The following PACRG variants were observed in gnomAD, a reference collection of about 807,000 sequenced individuals.
The protein encoded by PACRG is parkin coregulated gene protein.
A neutral mutation model predicts 29.7 loss-of-function variants in PACRG; 29 were observed. The ratio of observed to expected loss-of-function variants is 0.98; its 90% confidence interval spans 0.73 to 1.33. The LOEUF (loss-of-function observed/expected upper bound fraction) is 1.33, where lower values mean the gene tolerates loss of function less well. PACRG is among the 40% of genes most tolerant of loss of function. The probability of loss-of-function intolerance (pLI) is 0.00; values close to 1 mark genes in which losing one functional copy is unlikely to be tolerated. For synonymous variants in PACRG, 116 were observed against 118.7 expected (o/e 0.98, Z 0.15); for missense variants, 279 against 316.2 (o/e 0.88, Z 0.89).
At chr6:163,227,519 C>T (rs747607466) in intron 4 of PACRG, among the ~76,000 whole-genome samples, 14 of 152,158 alleles carry the variant, frequency 9.2e-5, no homozygotes, top group East Asian at 1.9e-4. Context: ...ATATATGTAA[C>T]GGAAAGATAA....
intron 4 of PACRG, among the ~76,000 whole-genome samples, chr6:163,242,087 A>C (rs183144353): frequency 6.6e-6 from 1 of 152,312 alleles, no homozygotes. Context: ...TTTTAAACTT[A>C]TTGAGCTATA....
At chr6:163,174,494 T>C (rs1415784716) in intron 4 of PACRG, among the ~76,000 whole-genome samples, 3 of 152,216 alleles carry the variant, frequency 2.0e-5, no homozygotes, top group Non-Finnish European at 4.4e-5. Context: ...ATAGAGAGAC[T>C]GTATAGAATC....
intron 4 of PACRG, among the ~76,000 whole-genome samples, chr6:163,234,582 G>A (rs146703220): frequency 7.9e-5 from 12 of 152,182 alleles, no homozygotes; most frequent in African/African-American, 2.9e-4. Context: ...CTTTATAGCA[G>A]CCCCAACAGA....
intron 4 of PACRG, among the ~76,000 whole-genome samples, chr6:163,211,464 C>T (rs886238853): frequency 3.9e-5 from 6 of 152,110 alleles, no homozygotes; most frequent in African/African-American, 1.4e-4. Context: ...ATGGAAATAT[C>T]AAGCTTATAT....
chr6:163,177,727 T>TTTTTTTTTTTTTG (rs1779446170), intron 4 of PACRG, among the ~76,000 whole-genome samples: 1 of 138,320 alleles, frequency 7.2e-6, no homozygotes, highest in African/African-American at 2.7e-5. Flanking sequence ...TTTTTTTTTT[T>TTTTTTTTTTTTTG]TTTTTTTTTT....
chr6:163,218,898 G>A (rs1183888101), intron 4 of PACRG, among the ~76,000 whole-genome samples: 4 of 152,236 alleles, frequency 2.6e-5, no homozygotes, highest in Non-Finnish European at 5.9e-5. Context: ...TCACAAGGTG[G>A]GGAGATGCCG....
intron 1 of PACRG, among the ~76,000 whole-genome samples, chr6:162,801,139 G>C (rs924713927): frequency 6.6e-6 from 1 of 151,736 alleles, no homozygotes; most frequent in Admixed American, 6.6e-5. Context: ...TTTTTTTTGA[G>C]GCAGAGTCTC....
At chr6:163,209,338 G>T (rs1012361146) in intron 4 of PACRG, among the ~76,000 whole-genome samples, 3 of 152,336 alleles carry the variant, frequency 2.0e-5, no homozygotes, top group Admixed American at 6.5e-5. Flanking sequence ...TGAAAGTGGA[G>T]CTTTGCAAAA....
intron 4 of PACRG, chr6:163,309,883 G>A (rs899925237): frequency 1.3e-5 from 2 of 152,154 alleles, no homozygotes; most frequent in African/African-American, 4.8e-5. Context: ...TCCTGAAATC[G>A]TGCCTATTTA....
intron 4 of PACRG, among the ~76,000 whole-genome samples, chr6:163,200,005 T>C (rs1780633476): frequency 6.6e-6 from 1 of 152,204 alleles, no homozygotes; most frequent in African/African-American, 2.4e-5. Context: ...GTATTTATCT[T>C]TCTGCAGACT....
intron 1 of PACRG, among the ~76,000 whole-genome samples, chr6:162,737,508 T>C (rs1184834925): frequency 2.0e-5 from 3 of 152,224 alleles, no homozygotes; most frequent in Non-Finnish European, 4.4e-5. Flanking sequence ...TCCCCATTGC[T>C]TTGTGTGTTC....
intron 4 of PACRG, among the ~76,000 whole-genome samples, chr6:163,300,876 C>CTT (rs1784967092): frequency 1.7e-5 from 1 of 59,802 alleles, no homozygotes; most frequent in African/African-American, 1.3e-4. Flanking sequence ...CACTGCTTCC[C>CTT]ATGAGTTTAG....
intron 4 of PACRG, among the ~76,000 whole-genome samples, chr6:163,164,058 A>C (rs1778687353): frequency 6.6e-6 from 1 of 152,178 alleles, no homozygotes; most frequent in African/African-American, 2.4e-5. Context: ...TCTCATGCCT[A>C]ATCATGAAGT....
intron 1 of PACRG, among the ~76,000 whole-genome samples, chr6:162,765,146 T>C (rs1202566131): frequency 6.6e-6 from 1 of 152,126 alleles, no homozygotes; most frequent in Non-Finnish European, 1.5e-5. Flanking sequence ...AAATCTATTA[T>C]CTATCTTTGT....
At chr6:162,782,758 T>A (rs1272271500) in intron 1 of PACRG, among the ~76,000 whole-genome samples, 3 of 151,902 alleles carry the variant, frequency 2.0e-5, no homozygotes, top group African/African-American at 7.2e-5. Flanking sequence ...CAGAGTTTCC[T>A]ATCCCAAAGT....
chr6:162,811,041 T>TA (rs1274329057), intron 1 of PACRG, among the ~76,000 whole-genome samples: 2 of 151,694 alleles, frequency 1.3e-5, no homozygotes, highest in African/African-American at 4.8e-5. Flanking sequence ...GTGGCATAAC[T>TA]AAAAAAAAGT....
intron 4 of PACRG, among the ~76,000 whole-genome samples, chr6:163,230,731 A>G (rs184090133): frequency 2.6e-3 from 161 of 61,806 alleles, no homozygotes; most frequent in African/African-American, 0.012. Context: ...GAATAAACAA[A>G]TGAAGAACGC....
At chr6:163,121,798 G>A (rs1416411203) in intron 4 of PACRG, among the ~76,000 whole-genome samples, 1 of 151,606 alleles carries the variant, frequency 6.6e-6, no homozygotes, top group Non-Finnish European at 1.5e-5. Flanking sequence ...GAGTAGCTGG[G>A]ACCACAGGTA....
intron 4 of PACRG, among the ~76,000 whole-genome samples, chr6:163,098,738 T>C (rs970230682): frequency 6.6e-6 from 1 of 152,200 alleles, no homozygotes; most frequent in Non-Finnish European, 1.5e-5. Context: ...GAATGGCTAC[T>C]CCATAGACAG....
Sources: gnomAD v4.1 joint callset for allele counts (sites outside exome capture counted in the v4.1 genomes callset) on GRCh38, gnomAD v4.1.1 for gene constraint, MANE v1.5 for transcripts, NCBI Gene and HGNC (gene_info 2026-07-23, HGNC 2026-07-21) for gene names.